TBC1D14: variants seen among roughly 807,000 people sequenced by gnomAD.
TBC1D14 encodes TBC1 domain family, member 14.
A neutral mutation model predicts 79.0 loss-of-function variants in TBC1D14; 26 were observed. The ratio of observed to expected loss-of-function variants is 0.33; its 90% CI spans 0.24 to 0.46. TBC1D14 has a LOEUF of 0.46. Among genes scored for constraint, TBC1D14 ranks in the 20% least tolerant of loss-of-function variants. TBC1D14 has a pLI of 1.00. For synonymous variants in TBC1D14, 394 were observed against 349.9 expected, an observed-to-expected ratio of 1.13 and a Z score of -1.40; for missense variants, 769 against 887.6, an observed-to-expected ratio of 0.87 and a Z score of 1.70.
In TBC1D14 at chr4:6,955,867, G is replaced by A. The variant is rs1045815386; in HGVS notation, c.723-11437G>A. Among the ~76,000 whole-genome samples, 20 of 152,260 alleles carry A rather than the reference G, an allele frequency of 1.3e-4. 1 individual carries two copies. Among genetic ancestry groups the A allele is most frequent in the South Asian group, 4.2e-4 (2 of 4,816 alleles). ...AGGGACAGGTAGCAGCCTCGGACAC[G>A]TAAGTCCGAGTCGCAGCTCTGTGTT... On this transcript the variant is annotated intron_variant, in intron 2 of 13. Coordinates refer to ENST00000409757, the MANE Select transcript of TBC1D14 (RefSeq NM_020773.3).
chr4:6,930,961 T>C (rs1037090564), intron 2 of TBC1D14, among the ~76,000 whole-genome samples: 2 of 152,134 alleles, frequency 1.3e-5, no homozygotes, highest in Middle Eastern at 3.4e-3. Flanking sequence ...AGTGCAGTGG[T>C]GTCATCTCGG....
intron 3 of TBC1D14, among the ~76,000 whole-genome samples, chr4:6,986,431 T>G (rs1156228369): frequency 6.6e-6 from 1 of 152,250 alleles, no homozygotes; most frequent in East Asian, 1.9e-4. Flanking sequence ...GAATTCCAGC[T>G]TCTCTAAGTC....
chr4:6,993,337 G>T (rs1281637219), intron 3 of TBC1D14, among the ~76,000 whole-genome samples: 1 of 152,148 alleles, frequency 6.6e-6, no homozygotes, highest in East Asian at 1.9e-4. Context: ...CAACCTGTTT[G>T]GCTCTCCTGA....
intron 3 of TBC1D14, among the ~76,000 whole-genome samples, chr4:6,975,952 G>A (rs1716679217): frequency 6.6e-6 from 1 of 152,162 alleles, no homozygotes; most frequent in Admixed American, 6.5e-5. Flanking sequence ...AATTAACCAG[G>A]TGTGGTGGCA....
intron 2 of TBC1D14, among the ~76,000 whole-genome samples, chr4:6,949,763 T>G (rs1238364117): frequency 6.7e-6 from 1 of 149,962 alleles, no homozygotes; most frequent in South Asian, 2.1e-4. Context: ...TTGTTTTTGT[T>G]TTTTTTTTTA....
At chr4:6,920,816 T>A (rs1480972038) in intron 1 of TBC1D14, among the ~76,000 whole-genome samples, 1 of 152,250 alleles carries the variant, frequency 6.6e-6, no homozygotes, top group Non-Finnish European at 1.5e-5. Context: ...TTTGCTCTTG[T>A]TGCCCAGGCT....
intron 9 of TBC1D14, among the ~76,000 whole-genome samples, chr4:7,008,788 G>A (rs1402030608): frequency 6.6e-6 from 1 of 152,206 alleles, no homozygotes; most frequent in Non-Finnish European, 1.5e-5. Flanking sequence ...AAATTACAAC[G>A]GTAGAAAACC....
chr4:6,914,221 G>A (rs1208183113), intron 1 of TBC1D14, among the ~76,000 whole-genome samples: 1 of 152,056 alleles, frequency 6.6e-6, no homozygotes, highest in African/African-American at 2.4e-5. Flanking sequence ...GGGTTGTGAA[G>A]GAGCCTTTGA....
intron 2 of TBC1D14, among the ~76,000 whole-genome samples, chr4:6,937,889 G>A (rs1030492421): frequency 6.6e-6 from 1 of 152,146 alleles, no homozygotes; most frequent in African/African-American, 2.4e-5. Flanking sequence ...TCACACAGCC[G>A]GCTGGGAGTG....
chr4:6,954,275 C>G (rs1285227194), intron 2 of TBC1D14: 1 of 717,390 alleles, frequency 1.4e-6, no homozygotes, highest in African/African-American at 1.7e-5. Context: ...CAGCCGGCCC[C>G]TCGGAGCTGC....
At chr4:6,946,553 C>G (rs183146975) in intron 2 of TBC1D14, among the ~76,000 whole-genome samples, 2 of 152,244 alleles carry the variant, frequency 1.3e-5, no homozygotes, top group Admixed American at 6.5e-5. Flanking sequence ...GAACTCCTAA[C>G]CTTGTGATCC....
intron 8 of TBC1D14, 66 bp from the exon 9 acceptor site, chr4:7,006,566 A>G: frequency 6.9e-7 from 1 of 1,454,000 alleles, no homozygotes; most frequent in Non-Finnish European, 9.5e-7. Context: ...TAAAACTTCA[A>G]AGGCTCGTAA....
chr4:6,984,422 G>GC (rs1357365806), intron 3 of TBC1D14, among the ~76,000 whole-genome samples: 1 of 152,136 alleles, frequency 6.6e-6, no homozygotes, highest in Non-Finnish European at 1.5e-5. Flanking sequence ...ATAGAAAAAA[G>GC]CCAGCAACAG....
At chr4:7,004,234 A>G (rs1178596356) in intron 7 of TBC1D14, among the ~76,000 whole-genome samples, 1 of 152,192 alleles carries the variant, frequency 6.6e-6, no homozygotes, top group Non-Finnish European at 1.5e-5. Context: ...AGTTCTAAAT[A>G]TGGAGATTTG....
chr4:7,006,357 T>G (rs1560339566), intron 8 of TBC1D14, among the ~76,000 whole-genome samples: 1 of 152,146 alleles, frequency 6.6e-6, no homozygotes, highest in Non-Finnish European at 1.5e-5. Flanking sequence ...TGATTGTTAT[T>G]GATGAGAGGC....
intron 5 of TBC1D14, chr4:6,998,630 C>A (rs1220651303): frequency 7.6e-5 from 12 of 157,880 alleles, no homozygotes; most frequent in Non-Finnish European, 5.6e-5. Context: ...CCTCTGTCAC[C>A]TGGATTCAAG....
At chr4:6,968,693 A>ACTGCAGG in intron 3 of TBC1D14, among the ~76,000 whole-genome samples, 1 of 148,236 alleles carries the variant, frequency 6.7e-6, no homozygotes, top group African/African-American at 2.4e-5. Flanking sequence ...CTGACCGCCG[A>ACTGCAGG]GAGGAGGCTG....
At chr4:6,947,632 C>A (rs192056752) in intron 2 of TBC1D14, among the ~76,000 whole-genome samples, 1,536 of 148,408 alleles carry the variant, frequency 0.01, 10 homozygotes, top group Middle Eastern at 0.031. Flanking sequence ...ACGGCACTCC[C>A]GCCTGGGCAG....
intron 6 of TBC1D14, 57 bp downstream of exon 6, chr4:6,999,259 G>A (rs1719407873): frequency 2.0e-6 from 3 of 1,480,972 alleles, no homozygotes; most frequent in Admixed American, 1.7e-5. Flanking sequence ...TAGAATCTGT[G>A]GGCCACAGCT....
Sources: allele counts gnomAD v4.1 joint callset (sites outside exome capture counted in the v4.1 genomes callset), GRCh38; gene constraint gnomAD v4.1.1; transcripts MANE v1.5; gene names NCBI Gene and HGNC (gene_info 2026-07-23, HGNC 2026-07-21).